DNAJB14: variants seen among roughly 807,000 people sequenced by gnomAD.
DNAJB14 encodes the protein DnaJ heat shock protein family (Hsp40) member B14.
Under a neutral mutation model 48.4 loss-of-function variants are expected in DNAJB14, and 22 were observed. The observed-to-expected ratio is 0.45, with a 90% confidence interval of 0.32 to 0.65. The LOEUF is 0.65. DNAJB14 is among the 30% of genes least tolerant of loss of function. The pLI, the probability that DNAJB14 is intolerant of heterozygous loss-of-function variation, is 0.03. For synonymous variants in DNAJB14, 142 were observed against 158.7 expected, an observed-to-expected ratio of 0.89 and a Z score of 0.79; for missense variants, 319 against 458.8, an observed-to-expected ratio of 0.70 and a Z score of 2.78.
intron 1 of DNAJB14, among the ~76,000 whole-genome samples, chr4:99,936,443 A>C (rs534209881): frequency 7.5e-6 from 1 of 134,036 alleles, no homozygotes; most frequent in African/African-American, 2.8e-5. Flanking sequence ...AAACACATAT[A>C]ACACACATAT....
chr4:99,938,326 C>T (rs1250786302), intron 1 of DNAJB14, among the ~76,000 whole-genome samples: 13 of 143,370 alleles, frequency 9.1e-5, no homozygotes, highest in Admixed American at 2.8e-4. Context: ...CACATAAATG[C>T]GACATGTGGA....
chr4:99,937,769 C>T (rs930792334), intron 1 of DNAJB14, among the ~76,000 whole-genome samples: 1 of 150,688 alleles, frequency 6.6e-6, no homozygotes, highest in Non-Finnish European at 1.5e-5. Context: ...AAAACAAATA[C>T]GATGAAATAT....
chr4:99,945,802 C>A (rs1363099981), intron 1 of DNAJB14, among the ~76,000 whole-genome samples: 1 of 152,208 alleles, frequency 6.6e-6, no homozygotes, highest in Non-Finnish European at 1.5e-5. Context: ...GTACCATATT[C>A]CTCAGAGATT....
intron 3 of DNAJB14, among the ~76,000 whole-genome samples, chr4:99,914,975 A>G (rs1008669048): frequency 2.6e-4 from 39 of 152,020 alleles, no homozygotes; most frequent in African/African-American, 7.7e-4. Flanking sequence ...TTTCATTGAT[A>G]TTCACTATTG....
chr4:99,919,894 C>T (rs1379053301), intron 3 of DNAJB14, among the ~76,000 whole-genome samples: 1 of 152,124 alleles, frequency 6.6e-6, no homozygotes, highest in East Asian at 1.9e-4. Context: ...AGAAATCATG[C>T]TAACTCTTGA....
At chr4:99,911,873 C>A (rs1215078466) in intron 3 of DNAJB14, among the ~76,000 whole-genome samples, 1 of 151,742 alleles carries the variant, frequency 6.6e-6, no homozygotes. Flanking sequence ...TAAGGCAGAG[C>A]AAGCTTAAAA....
intron 2 of DNAJB14, chr4:99,924,429 C>CT (rs1198230569): frequency 1.5e-5 from 3 of 198,526 alleles, no homozygotes; most frequent in Non-Finnish European, 3.0e-5. Flanking sequence ...ATGAAGGCAT[C>CT]TATCATTTGT....
intron 1 of DNAJB14, chr4:99,942,131 A>T (rs757206223): frequency 4.6e-5 from 7 of 152,072 alleles, no homozygotes; most frequent in Non-Finnish European, 8.8e-5. Flanking sequence ...GTAGCAAAAA[A>T]TTAGGAAGAA....
intron 7 of DNAJB14, 133 bp downstream of exon 7, chr4:99,903,593 G>T: frequency 1.1e-6 from 1 of 894,010 alleles, no homozygotes; most frequent in African/African-American, 1.7e-5. Flanking sequence ...TAAAACACAT[G>T]ATCTCATTTA....
intron 2 of DNAJB14, chr4:99,929,928 C>CA (rs2110214659): frequency 6.6e-6 from 1 of 152,182 alleles, no homozygotes; most frequent in South Asian, 2.1e-4. Flanking sequence ...AAATTAAAGC[C>CA]AGATACCCAA....
intron 5 of DNAJB14, chr4:99,905,997 G>A: frequency 7.7e-7 from 1 of 1,294,992 alleles, no homozygotes; most frequent in Non-Finnish European, 9.9e-7. Flanking sequence ...CACACACAGA[G>A]ACGCTATCAA....
At chr4:99,909,375 ACT>A (rs1287661041) in intron 3 of DNAJB14, among the ~76,000 whole-genome samples, 4 of 151,882 alleles carry the variant, frequency 2.6e-5, no homozygotes, top group South Asian at 2.1e-4. Context: ...CGATAAATAC[ACT>A]CTCTTTATGC....
At chr4:99,946,413 G>A (rs1435554945) in intron 1 of DNAJB14, 26 bp downstream of exon 1, 2 of 1,596,404 alleles carry the variant, frequency 1.3e-6, no homozygotes, top group Admixed American at 1.7e-5. Context: ...GATTGGGCAG[G>A]AAGAGAAGGG....
At chr4:99,905,994 AGAGACG>A in intron 5 of DNAJB14, 1 of 1,292,510 alleles carries the variant, frequency 7.7e-7, no homozygotes. Flanking sequence ...CCCCACACAC[AGAGACG>A]CTATCAATAT....
chr4:99,931,583 A>G (rs1228973747), intron 1 of DNAJB14, among the ~76,000 whole-genome samples: 3 of 152,102 alleles, frequency 2.0e-5, no homozygotes, highest in African/African-American at 7.2e-5. Flanking sequence ...TTAAGAAATC[A>G]TTGAGGATAC....
chr4:99,930,252 T>G, intron 2 of DNAJB14, 198 bp downstream of exon 2: 3 of 424,798 alleles, frequency 7.1e-6, no homozygotes, highest in Non-Finnish European at 7.8e-6. Flanking sequence ...TGAGGTTACT[T>G]TAAAAAATAG....
chr4:99,924,702 T>C, intron 2 of DNAJB14: 1 of 1,602,094 alleles, frequency 6.2e-7, no homozygotes, highest in South Asian at 1.1e-5. Flanking sequence ...CTCCTAGAAA[T>C]GTTTAGAAGC....
intron 3 of DNAJB14, among the ~76,000 whole-genome samples, chr4:99,913,985 G>C (rs553503752): frequency 3.9e-5 from 6 of 152,240 alleles, no homozygotes; most frequent in African/African-American, 1.4e-4. Flanking sequence ...ACATGGTGGA[G>C]AAAATCAAAG....
At chr4:99,924,667 G>T (rs1726182671) in intron 2 of DNAJB14, 2 of 1,527,856 alleles carry the variant, frequency 1.3e-6, no homozygotes, top group Admixed American at 2.1e-5. Context: ...AAAAGAGAAT[G>T]ATCCCACCTG....
Sources: allele counts gnomAD v4.1 joint callset (sites outside exome capture counted in the v4.1 genomes callset), GRCh38; gene constraint gnomAD v4.1.1; transcripts MANE v1.5; gene names NCBI Gene and HGNC (gene_info 2026-07-23, HGNC 2026-07-21).